NREP: variants seen among roughly 807,000 people sequenced by gnomAD.
NREP encodes the protein neuronal regeneration-related protein.
In NREP, 5 loss-of-function variants were observed where a neutral mutation model predicts 8.6. The observed-to-expected ratio is 0.58, with a 90% CI of 0.30 to 1.22. The LOEUF is 1.22. Ranked by LOEUF, NREP falls within the 50% of genes most tolerant of loss-of-function variation. The pLI is 0.07. For synonymous variants in NREP, 27 were observed against 28.0 expected (o/e 0.96, Z 0.11); for missense variants, 86 against 82.5 (o/e 1.04, Z -0.17).
At chr5:111,924,443 G>A (rs10066264) in intron 2 of NREP, among the ~76,000 whole-genome samples, 2 of 151,318 alleles carry the variant, frequency 1.3e-5, no homozygotes, top group Non-Finnish European at 2.9e-5. Flanking sequence ...TGTGAGTCAG[G>A]GTGTAGTGGT....
chr5:111,743,324 C>T (rs1180499958), intron 2 of NREP, among the ~76,000 whole-genome samples: 2 of 151,424 alleles, frequency 1.3e-5, no homozygotes, highest in Non-Finnish European at 2.9e-5. Context: ...GGCATTTAAG[C>T]ACTGCATAAG....
chr5:111,874,401 A>T (rs149345078), intron 2 of NREP, among the ~76,000 whole-genome samples: 177 of 152,294 alleles, frequency 1.2e-3, no homozygotes, highest in African/African-American at 4.1e-3. Context: ...TTCTCAAATG[A>T]CTTTTTCTCT....
intron 2 of NREP, among the ~76,000 whole-genome samples, chr5:111,790,460 T>C (rs955158945): frequency 2.7e-5 from 4 of 145,578 alleles, no homozygotes; most frequent in African/African-American, 1.0e-4. Flanking sequence ...CATAGGTATT[T>C]GTTCAGGAAT....
chr5:111,928,020 A>G (rs1459547874), intron 2 of NREP, among the ~76,000 whole-genome samples: 4 of 152,136 alleles, frequency 2.6e-5, no homozygotes, highest in Admixed American at 6.5e-5. Flanking sequence ...GTGAGGAAAA[A>G]TCCTGGTACA....
chr5:111,780,205 G>C (rs2112882260), intron 2 of NREP, among the ~76,000 whole-genome samples: 1 of 152,316 alleles, frequency 6.6e-6, no homozygotes, highest in South Asian at 2.1e-4. Flanking sequence ...TAGGAAGCAA[G>C]AGTGACCCTC....
In NREP at chr5:111,730,444, A is replaced by G. The variant is rs1247179650; in HGVS notation, c.*477T>C. On this transcript the variant is annotated 3_prime_UTR_variant, in exon 4 of 4. Transcript: ENST00000257435. ...AAACAATGAGTTTCAAACTACTTCTATACATCAAAAGAGTACATGGATAAA... is the reference window on the plus strand; with the variant it reads ...AAACAATGAGTTTCAAACTACTTCTGTACATCAAAAGAGTACATGGATAAA... 6.5e-6 allele frequency: 1 copy of G among 152,896 alleles called. No homozygotes were observed. The highest frequency in any genetic ancestry group is 6.5e-5 in the Admixed American group (1 of 15,330). 9.5% of individuals were successfully genotyped at this position (152,896 alleles called of 1,614,324 possible).
intron 2 of NREP, among the ~76,000 whole-genome samples, chr5:111,974,171 C>A (rs944435083): frequency 6.6e-6 from 1 of 152,196 alleles, no homozygotes; most frequent in African/African-American, 2.4e-5. Context: ...GTTCCTCAGT[C>A]TTTATTTCTG....
chr5:111,970,258 C>T (rs1281118441), intron 2 of NREP, among the ~76,000 whole-genome samples: 1 of 151,974 alleles, frequency 6.6e-6, no homozygotes, highest in African/African-American at 2.4e-5. Context: ...GTGTCTAAGA[C>T]AACTAGTAAA....
chr5:111,919,869 G>GAGAGAGAAAGAA (rs1400988710), intron 2 of NREP, among the ~76,000 whole-genome samples: 78 of 125,110 alleles, frequency 6.2e-4, no homozygotes, highest in Non-Finnish European at 9.8e-4. Context: ...CTTGAAGAGA[G>GAGAGAGAAAGAA]AGAAAGAAAG....
intron 2 of NREP, among the ~76,000 whole-genome samples, chr5:111,796,544 G>A (rs1038057044): frequency 6.6e-6 from 1 of 152,136 alleles, no homozygotes; most frequent in Non-Finnish European, 1.5e-5. Context: ...GCTTACTCGT[G>A]TAATTCTTAT....
At chr5:111,884,834 A>G (rs1239340334) in intron 2 of NREP, among the ~76,000 whole-genome samples, 1 of 152,200 alleles carries the variant, frequency 6.6e-6, no homozygotes, top group Non-Finnish European at 1.5e-5. Context: ...TCAAAATAAT[A>G]AGAGCTATCT....
At chr5:111,967,108 C>T (rs1756664064) in intron 2 of NREP, among the ~76,000 whole-genome samples, 1 of 152,136 alleles carries the variant, frequency 6.6e-6, no homozygotes, top group African/African-American at 2.4e-5. Context: ...CTACTCAATA[C>T]CCTACAATGC....
At chr5:111,824,057 C>A (rs1034473768) in intron 2 of NREP, among the ~76,000 whole-genome samples, 1 of 152,062 alleles carries the variant, frequency 6.6e-6, no homozygotes, top group African/African-American at 2.4e-5. Context: ...GTAAGAGTGG[C>A]ACTAATGGAA....
chr5:111,886,390 C>CA (rs1384098179), intron 2 of NREP, among the ~76,000 whole-genome samples: 1 of 152,014 alleles, frequency 6.6e-6, no homozygotes. Context: ...TAAACTAGTT[C>CA]AGCCATTGTG....
At chr5:111,925,551 C>G (rs995994768) in intron 2 of NREP, among the ~76,000 whole-genome samples, 2 of 152,160 alleles carry the variant, frequency 1.3e-5, no homozygotes, top group African/African-American at 2.4e-5. Flanking sequence ...CTGTCTGGTC[C>G]TATTGCCTGT....
chr5:111,766,208 A>G (rs1195404959), intron 2 of NREP, among the ~76,000 whole-genome samples: 4 of 152,216 alleles, frequency 2.6e-5, no homozygotes, highest in East Asian at 1.9e-4. Flanking sequence ...TAAACACTGT[A>G]AAGTTTTACT....
At chr5:111,967,794 A>T (rs868836625) in intron 2 of NREP, among the ~76,000 whole-genome samples, 29 of 146,196 alleles carry the variant, frequency 2.0e-4, no homozygotes, top group Middle Eastern at 3.2e-3. Flanking sequence ...TTTTTAATTT[A>T]AAAAAAAAAA....
chr5:111,967,405 T>G (rs1208650085), intron 2 of NREP, among the ~76,000 whole-genome samples: 1 of 152,230 alleles, frequency 6.6e-6, no homozygotes, highest in Admixed American at 6.5e-5. Flanking sequence ...GCTTCCTGAT[T>G]AATTTTTTTC....
intron 2 of NREP, among the ~76,000 whole-genome samples, chr5:111,967,407 A>C (rs563232510): frequency 7.9e-5 from 12 of 152,130 alleles, no homozygotes; most frequent in Non-Finnish European, 1.6e-4. Flanking sequence ...TTCCTGATTA[A>C]TTTTTTTCAG....
Sources: allele counts gnomAD v4.1 joint callset (sites outside exome capture counted in the v4.1 genomes callset), GRCh38; gene constraint gnomAD v4.1.1; transcripts MANE v1.5; gene names NCBI Gene and HGNC (gene_info 2026-07-23, HGNC 2026-07-21).